Variants in ABCB1 observed in about 807,000 individuals in gnomAD.
The protein encoded by ABCB1 is ATP binding cassette subfamily B member 1.
A neutral mutation model predicts 142.0 loss-of-function variants in ABCB1; 69 were observed. The ratio of observed to expected loss-of-function variants is 0.49; its 90% CI spans 0.40 to 0.59. The LOEUF (loss-of-function observed/expected upper bound fraction) is 0.59, where lower values mean the gene tolerates loss of function less well. Ranked by LOEUF, ABCB1 falls within the 20% of genes least tolerant of loss-of-function variation. ABCB1 has a pLI of 0.00. For missense variants in ABCB1, 1,326 were observed against 1,554.7 expected, an observed-to-expected ratio of 0.85 and a Z score of 2.47; for synonymous variants, 532 against 539.2, an observed-to-expected ratio of 0.99 and a Z score of 0.18.
At chr7:87,505,484 C>T (rs958167450) in intron 27 of ABCB1, among the ~76,000 whole-genome samples, 7 of 152,142 alleles carry the variant, frequency 4.6e-5, no homozygotes, top group African/African-American at 1.4e-4. Flanking sequence ...ATACTGAGTT[C>T]GTCTTTCAGA....
intron 23 of ABCB1, 66 bp from the exon 24 acceptor site, chr7:87,516,731 C>CTGTTTTTTTTTTTTTT (rs1815267098): frequency 1.6e-6 from 1 of 642,604 alleles, no homozygotes; most frequent in African/African-American, 3.6e-5. Context: ...GCTGACACTC[C>CTGTTTTTTTTTTTTTT]TTTTTTTTTT....
At chr7:87,619,440 G>A (rs1820144352) in intron 1 of ABCB1, among the ~76,000 whole-genome samples, 2 of 151,828 alleles carry the variant, frequency 1.3e-5, no homozygotes, top group South Asian at 4.2e-4. Flanking sequence ...TCAGGAGGCT[G>A]AGGCAGGAGA....
In ABCB1 at chr7:87,516,606, G is replaced by A; in HGVS notation, c.2987C>T (p.Pro996Leu). The A allele has an allele frequency of 1.2e-6, 2 of 1,614,158 alleles. No homozygotes were observed. Among genetic ancestry groups the A allele is most frequent in the Non-Finnish European group, 1.7e-6 (2 of 1,180,036 alleles). ...MAVGQVSSFA[P>L]DYAKAKISAA... ...TGATATTTTGGCTTTGGCATAGTCA[G>A]GAGCAAATGAACTGACTTGCCCCAC... The change falls in exon 24 of 28, where the codon CCT becomes CTT. Residue 996 changes from proline to leucine, a missense_variant. Pro to Leu is a moderately conservative substitution (Grantham distance 98). Coordinates refer to ENST00000622132, the MANE Select transcript of ABCB1 (RefSeq NM_001348946.2).
At chr7:87,633,811 G>T (rs1821466393) in intron 1 of ABCB1, among the ~76,000 whole-genome samples, 1 of 152,122 alleles carries the variant, frequency 6.6e-6, no homozygotes, top group South Asian at 2.1e-4. Flanking sequence ...ATGCAGATAT[G>T]TGAAATGTTA....
intron 1 of ABCB1, among the ~76,000 whole-genome samples, chr7:87,664,431 G>A (rs1825027325): frequency 6.6e-6 from 1 of 152,162 alleles, no homozygotes; most frequent in Non-Finnish European, 1.5e-5. Context: ...GAATACAGAT[G>A]CTTATTGTGA....
rs1452177452 is a variant in ABCB1 at position 87,515,450 on chromosome 7, T to C, written c.3085-22A>G. ...TGTTCTGCAATGAGAAGAATAACAG[T>C]AAATTTGAATGCTGCAATACTGAAA... On this transcript the variant is annotated intron_variant, in intron 24 of 27. Coordinates refer to ENST00000622132, the MANE Select transcript of ABCB1 (RefSeq NM_001348946.2). 3 of 1,607,266 alleles carry C rather than the reference T, an allele frequency of 1.9e-6. No homozygotes were observed. The South Asian group carries it at 3.3e-5, about 18-fold the overall frequency.
chr7:87,516,524 C>A lies in ABCB1; in HGVS notation c.3069G>T (p.Thr1023=). The change falls in exon 24 of 28, where the codon ACG becomes ACT. Residue 1023 remains threonine, a synonymous_variant. Transcript: ENST00000622132. ...TCAAACTCACCGGCATTAGGCCTTCCGTGCTGTAGCTGTCAATCAAAGGGG... is the reference window on the plus strand; with the variant it reads ...TCAAACTCACCGGCATTAGGCCTTCAGTGCTGTAGCTGTCAATCAAAGGGG... ...EKTPLIDSYS[T]EGLMPNTLEG... The A allele has an allele frequency of 1.2e-6, 2 of 1,614,154 alleles. No individual in the cohort carries two copies. Among genetic ancestry groups the A allele is most frequent in the Non-Finnish European group, 1.7e-6 (2 of 1,180,020 alleles).
chr7:87,647,622 T>G (rs373244447), intron 1 of ABCB1, among the ~76,000 whole-genome samples: 1 of 152,232 alleles, frequency 6.6e-6, no homozygotes, highest in Non-Finnish European at 1.5e-5. Context: ...TTTCATAATT[T>G]AGTTAAGTAA....
chr7:87,515,738 G>C (rs933777627), intron 24 of ABCB1, among the ~76,000 whole-genome samples: 2 of 151,750 alleles, frequency 1.3e-5, no homozygotes, highest in Non-Finnish European at 2.9e-5. Context: ...TTACAGGCGT[G>C]TGCCACCACA....
chr7:87,545,896 C>T lies in ABCB1; in HGVS notation c.1854G>A (p.Glu618=), dbSNP rs150277104. Residue 618 remains glutamate, a synonymous_variant, in exon 15 of 28, where the codon GAG becomes GAA. Coordinates refer to ENST00000622132, the MANE Select transcript of ABCB1 (RefSeq NM_001348946.2). The part of the protein sequence containing the change: ...EKGNHDELMK[E]KGIYFKLVTM... ...TGACAAGTTTGAAGTAAATGCCTTT[C>T]TCTTTCATGAGTTCATCATGATTTC... The T allele has an allele frequency of 8.2e-5, 132 of 1,614,188 alleles. No individual in the cohort carries two copies. The Middle Eastern group carries it at 4.9e-3, about 61-fold the overall frequency.
At chr7:87,515,181 C>T in intron 25 of ABCB1, 50 bp downstream of exon 25, 1 of 1,601,278 alleles carries the variant, frequency 6.2e-7, no homozygotes, top group Non-Finnish European at 8.5e-7. Flanking sequence ...TACATTCAGA[C>T]ATTTGGATGA....
intron 21 of ABCB1, 172 bp from the exon 22 acceptor site, chr7:87,521,048 G>T: frequency 1.6e-6 from 1 of 608,088 alleles, no homozygotes; most frequent in Non-Finnish European, 2.9e-6. Flanking sequence ...CTGAGTTATG[G>T]ATCTGGAAGG....
At chr7:87,667,954 G>A (rs1029492753) in intron 1 of ABCB1, among the ~76,000 whole-genome samples, 1 of 151,802 alleles carries the variant, frequency 6.6e-6, no homozygotes, top group African/African-American at 2.4e-5. Context: ...TTCTTTTTTT[G>A]TTGTGTCTCT....
intron 2 of ABCB1, among the ~76,000 whole-genome samples, chr7:87,598,048 A>G (rs1231711421): frequency 6.6e-6 from 1 of 152,152 alleles, no homozygotes; most frequent in Non-Finnish European, 1.5e-5. Flanking sequence ...TACCTGTATC[A>G]AACTGAATAC....
rs532278429 is a variant in ABCB1, at chr7:87,626,386, A to G, written c.-330-25308T>C. ...TATATATGTGTCATATGTATGTGTC[A>G]TATATATGTGTCATATGTATGTGTC... On this transcript the variant is annotated intron_variant, in intron 1 of 28. Coordinates refer to the ABCB1 transcript ENST00000265724. Among the ~76,000 whole-genome samples the G allele has an allele frequency of 2.5e-3, 64 of 26,122 alleles. 26 individuals carry two copies. Among genetic ancestry groups the G allele is most frequent in the African/African-American group, 3.0e-3 (6 of 1,980 alleles). 17.1% of individuals were successfully genotyped at this position (26,122 alleles called of 152,430 possible). A position where few individuals can be genotyped will look rare whatever the true frequency, so the allele number is the denominator to read the frequency against.
intron 4 of ABCB1, among the ~76,000 whole-genome samples, chr7:87,574,380 C>T (rs181970105): frequency 6.6e-6 from 1 of 152,288 alleles, no homozygotes; most frequent in African/African-American, 2.4e-5. Context: ...CCCAAAATAA[C>T]TGAGATTGGG....
At chr7:87,565,925 G>T in intron 7 of ABCB1, 145 bp downstream of exon 7, 1 of 903,240 alleles carries the variant, frequency 1.1e-6, no homozygotes, top group African/African-American at 1.6e-5. Context: ...GGCTGGATAT[G>T]CTTATCCAGC....
intron 24 of ABCB1, among the ~76,000 whole-genome samples, 183 bp downstream of exon 24, chr7:87,516,326 T>C (rs1815247064): frequency 6.6e-6 from 1 of 152,164 alleles, no homozygotes; most frequent in Admixed American, 6.5e-5. Context: ...CCTATAACCT[T>C]TGCTACGTAA....
chr7:87,536,513 T>C lies in ABCB1; in HGVS notation c.2426A>G (p.Asn809Ser), dbSNP rs199856295. Residue 809 changes from asparagine (N) to serine (S), a missense_variant, in exon 20 of 28, where the codon AAC (asparagine) becomes AGC (serine). Transcript: ENST00000622132. ...CCTGGTAGTCAATGCTCCAGTGGTG[T>C]TTTTAGGGTCATCAAACCAACTCAC... ...QDVSWFDDPK[N>S]TTGALTTRLA... 6.2e-7 allele frequency: 1 copy of C among 1,613,834 alleles called. No individual in the cohort carries two copies. Among genetic ancestry groups the C allele is most frequent in the Non-Finnish European group, 8.5e-7 (1 of 1,179,850 alleles).
Sources: gnomAD v4.1 joint callset for allele counts (sites outside exome capture counted in the v4.1 genomes callset) on GRCh38, gnomAD v4.1.1 for gene constraint, MANE v1.5 for transcripts, NCBI Gene and HGNC (gene_info 2026-07-23, HGNC 2026-07-21) for gene names.